The following ABCA1 variants were observed in gnomAD, a reference collection of about 807,000 sequenced individuals.
ABCA1 encodes ATP binding cassette subfamily A member 1.
In ABCA1, 133 loss-of-function variants were observed where a neutral mutation model predicts 262.5. The ratio of observed to expected loss-of-function variants is 0.51; its 90% CI spans 0.44 to 0.59. The LOEUF (loss-of-function observed/expected upper bound fraction) is 0.59, where lower values mean the gene tolerates loss of function less well. Among genes scored for constraint, ABCA1 ranks in the 20% least tolerant of loss-of-function variants. ABCA1 has a pLI of 0.00. For missense variants in ABCA1, 2,452 were observed against 2,777.5 expected, an observed-to-expected ratio of 0.88 and a Z score of 2.63; for synonymous variants, 1,022 against 1,043.5, an observed-to-expected ratio of 0.98 and a Z score of 0.40.
Position 104,828,946 on chromosome 9 carries a change from C to T in ABCA1, c.2085G>A (p.Val695=), listed in dbSNP as rs1833025523. 1 of 1,614,126 alleles carries T rather than the reference C, an allele frequency of 6.2e-7. No individual in the cohort carries two copies. Among genetic ancestry groups the T allele is most frequent in the Non-Finnish European group, 8.5e-7 (1 of 1,180,032 alleles). ...WFISSLIPLL[V]SAGLLVVILK... is the part of the protein sequence containing the mutation. ...GGATGACCACTAGCAGGCCAGCGCTCACAAGAAGAGGAATGAGGCTACTAA... is the reference window on the plus strand; with the variant it reads ...GGATGACCACTAGCAGGCCAGCGCTTACAAGAAGAGGAATGAGGCTACTAA... The change falls in exon 15 of 50, where the codon GTG becomes GTA. Residue 695 remains valine (V), a synonymous_variant. Coordinates refer to ENST00000374736, the MANE Select transcript of ABCA1 (RefSeq NM_005502.4).
At chr9:104,850,023 CAG>C (rs1046012409) in intron 7 of ABCA1, among the ~76,000 whole-genome samples, 1 of 152,220 alleles carries the variant, frequency 6.6e-6, no homozygotes, top group African/African-American at 2.4e-5. Flanking sequence ...GCTAGGGAAA[CAG>C]AGGTGGCATC....
At chr9:104,784,558 A>C in intron 49 of ABCA1, 103 bp from the exon 50 acceptor site, 1 of 1,360,928 alleles carries the variant, frequency 7.3e-7, no homozygotes, top group Non-Finnish European at 1.0e-6. Flanking sequence ...AAGTAGGAGC[A>C]TACAGAATTA....
At position 104,881,563 on chromosome 9, in the gene ABCA1, TAAGAAG is replaced by T. The variant is rs1242118330; in HGVS notation, c.421+1470_421+1475del. On this transcript the variant is annotated intron_variant, in intron 5 of 49. Coordinates refer to ENST00000374736, the MANE Select transcript of ABCA1 (RefSeq NM_005502.4). The stretch of plus-strand genomic sequence containing the variant: ...TTACATGTTTTATCTCATTAACAGG[TAAGAAG>T]AAGTGGCTGAAAGGGTGCTAACTAA... 3.3e-5 allele frequency among the ~76,000 whole-genome samples: 5 copies of T among 152,174 alleles called. No homozygotes were observed. The East Asian group carries it at 9.6e-4, about 29-fold the overall frequency.
intron 33 of ABCA1, among the ~76,000 whole-genome samples, chr9:104,802,547 T>C (rs1212549118): frequency 1.3e-5 from 2 of 152,174 alleles, no homozygotes; most frequent in Non-Finnish European, 2.9e-5. Context: ...GCTGGCCTTA[T>C]ACACAGGCTC....
Position 104,830,468 on chromosome 9 carries a change from T to C in ABCA1, c.1892+457A>G, listed in dbSNP as rs577373226. On this transcript the variant is annotated intron_variant, in intron 14 of 49. Transcript: ENST00000374736. ...ACTTTGGGAGGCCAAGGAGGGTGGA[T>C]TGCCTGAGCTCAGGAGTTGAAGTCT... Among the ~76,000 whole-genome samples, 62 of 152,080 alleles carry C rather than the reference T, an allele frequency of 4.1e-4. No individual in the cohort carries two copies. The South Asian group carries it at 7.5e-3, about 18-fold the overall frequency.
chr9:104,822,663 G>A lies in ABCA1; in HGVS notation c.2661C>T (p.Cys887=), dbSNP rs1452714620. ...TCAAGTGGGTGGGTTCCTCCTCCAT[G>A]CAGACTGTGACAGGAGAGAAGACAG... is the stretch of plus-strand genomic sequence containing the variant. The part of the protein sequence containing the change: ...GSNQKRISEI[C]MEEEPTHLKL... Residue 887 remains cysteine (C), a synonymous_variant, in exon 19 of 50, where the codon TGC becomes TGT. Coordinates refer to ENST00000374736, the MANE Select transcript of ABCA1 (RefSeq NM_005502.4). 2 of 1,614,020 alleles carry A rather than the reference G, an allele frequency of 1.2e-6. No homozygotes were observed. Among genetic ancestry groups the A allele is most frequent in the East Asian group, 2.2e-5 (1 of 44,872 alleles).
At chr9:104,864,459 T>C (rs551306236) in intron 5 of ABCA1, among the ~76,000 whole-genome samples, 1 of 152,202 alleles carries the variant, frequency 6.6e-6, no homozygotes, top group East Asian at 1.9e-4. Flanking sequence ...AGGTAGACAT[T>C]AATCACTGTA....
intron 7 of ABCA1, among the ~76,000 whole-genome samples, chr9:104,857,032 C>G (rs1259476613): frequency 6.6e-6 from 1 of 152,040 alleles, no homozygotes; most frequent in African/African-American, 2.4e-5. Context: ...GGACCAGGCA[C>G]GGTGACTCAT....
chr9:104,832,555 A>G lies in ABCA1; in HGVS notation c.1509+19T>C. 1 of 1,614,056 alleles carries G rather than the reference A, an allele frequency of 6.2e-7. No homozygotes were observed. Among genetic ancestry groups the G allele is most frequent in the Non-Finnish European group, 8.5e-7 (1 of 1,179,886 alleles). On this transcript the variant is annotated intron_variant, in intron 12 of 49. Coordinates refer to ENST00000374736, the MANE Select transcript of ABCA1 (RefSeq NM_005502.4). ...GAAGCCGTTAAGTCTTTTCTAAATGATCCCAGCAACAGATTCACCTCCATG... is the reference window on the plus strand; with the variant it reads ...GAAGCCGTTAAGTCTTTTCTAAATGGTCCCAGCAACAGATTCACCTCCATG...
At chr9:104,804,409 A>T (rs1454550431) in intron 32 of ABCA1, among the ~76,000 whole-genome samples, 1 of 152,206 alleles carries the variant, frequency 6.6e-6, no homozygotes, top group Non-Finnish European at 1.5e-5. Flanking sequence ...TTCTATTTTC[A>T]TTCTAGACCA....
intron 12 of ABCA1, 106 bp from the exon 13 acceptor site, chr9:104,831,933 T>C: frequency 9.6e-7 from 1 of 1,040,798 alleles, no homozygotes; most frequent in Non-Finnish European, 1.5e-6. Flanking sequence ...CGATTGCTCA[T>C]CCTCTCTCTC....
chr9:104,887,728 T>C (rs898479883), intron 3 of ABCA1, among the ~76,000 whole-genome samples: 1 of 143,248 alleles, frequency 7.0e-6, no homozygotes, highest in African/African-American at 2.6e-5. Context: ...TATGCTTTTT[T>C]TTTTTTTTTT....
intron 42 of ABCA1, among the ~76,000 whole-genome samples, chr9:104,792,228 T>C (rs1829487962): frequency 6.6e-6 from 1 of 152,254 alleles, no homozygotes; most frequent in Non-Finnish European, 1.5e-5. Context: ...TTAACCTGTC[T>C]TTTTAGAACC....
chr9:104,874,494 A>G (rs1837932416), intron 5 of ABCA1, among the ~76,000 whole-genome samples: 1 of 152,120 alleles, frequency 6.6e-6, no homozygotes, highest in Non-Finnish European at 1.5e-5. Context: ...TGAACCCGGG[A>G]GGCAGAGGTT....
rs1209358680 is a variant in ABCA1 at position 104,809,515 on chromosome 9, T to C, written c.4225A>G (p.Thr1409Ala). Residue 1409 changes from threonine to alanine, a missense_variant, in exon 30 of 50, where the codon ACC becomes GCC. By Grantham distance (58) the Thr-to-Ala change is moderately conservative (BLOSUM62 0). Around this residue, in one of 4 missense-constraint regions of ABCA1, gnomAD observed 665 missense variants for 727.3 expected, o/e 0.91. Transcript: ENST00000374736. ...CGGGTCCCGAAGCCAGGGTCTTTGG[T>C]GAGGGCGTTTAAGAGTTCCAGGGTT... ...TGTLELLNAL[T>A]KDPGFGTRCM... 1.9e-6 allele frequency: 3 copies of C among 1,614,158 alleles called. No individual in the cohort carries two copies. Among genetic ancestry groups the C allele is most frequent in the Non-Finnish European group, 2.5e-6 (3 of 1,180,026 alleles).
chr9:104,795,790 T>A (rs1405374498), intron 39 of ABCA1, among the ~76,000 whole-genome samples: 1 of 152,124 alleles, frequency 6.6e-6, no homozygotes, highest in Non-Finnish European at 1.5e-5. Flanking sequence ...GCAGAGGAGC[T>A]ACTCTTGGTA....
intron 5 of ABCA1, among the ~76,000 whole-genome samples, chr9:104,876,403 A>C (rs1269594769): frequency 6.6e-6 from 1 of 152,184 alleles, no homozygotes; most frequent in East Asian, 1.9e-4. Flanking sequence ...CTATGAGCCA[A>C]GTAGGACGTC....
At position 104,809,250 on chromosome 9, in the gene ABCA1, C is replaced by T. The variant is rs149531356; in HGVS notation, c.4274+216G>A. On this transcript the variant is annotated intron_variant, in intron 30 of 49. Coordinates refer to ENST00000374736, the MANE Select transcript of ABCA1 (RefSeq NM_005502.4). Reference sequence around the variant, plus strand: ...ATCAGTAAACAAATGTCTGTAATGACGTGCTTTGCACGGTGTTAGAAGACT... The same window carrying T: ...ATCAGTAAACAAATGTCTGTAATGATGTGCTTTGCACGGTGTTAGAAGACT... 3.0e-4 allele frequency among the ~76,000 whole-genome samples: 45 copies of T among 152,106 alleles called. No homozygotes were observed. In the East Asian group the frequency reaches 4.1e-3, roughly 14 times the overall value.
At chr9:104,855,054 T>C (rs1209882185) in intron 7 of ABCA1, 2 of 660,806 alleles carry the variant, frequency 3.0e-6, no homozygotes, top group African/African-American at 4.0e-5. Flanking sequence ...TCACACAAGG[T>C]ACGGACTGAG....
Sources: allele counts gnomAD v4.1 joint callset (sites outside exome capture counted in the v4.1 genomes callset), GRCh38; gene constraint gnomAD v4.1.1; regional missense constraint gnomAD v4.1.1; transcripts MANE v1.5; gene names NCBI Gene and HGNC (gene_info 2026-07-23, HGNC 2026-07-21).